The following PAIP2B variants were observed in gnomAD, a reference collection of about 807,000 sequenced individuals.
PAIP2B encodes poly(A) binding protein interacting protein 2B, also known as polyadenylate-binding protein-interacting protein 2B.
Under a neutral mutation model 17.0 loss-of-function variants are expected in PAIP2B, and 13 were observed. The observed-to-expected ratio is 0.76, with a 90% confidence interval of 0.50 to 1.22. PAIP2B has a LOEUF of 1.22. PAIP2B is among the 50% of genes most tolerant of loss of function. The pLI, the probability that PAIP2B is intolerant of heterozygous loss-of-function variation, is 0.00. For synonymous variants in PAIP2B, 43 were observed against 48.7 expected (o/e 0.88, Z 0.48); for missense variants, 117 against 144.5 (o/e 0.81, Z 0.98).
At chr2:71,209,159 G>C (rs1441603559) in intron 1 of PAIP2B, among the ~76,000 whole-genome samples, 2 of 152,154 alleles carry the variant, frequency 1.3e-5, no homozygotes, top group Admixed American at 1.3e-4. Flanking sequence ...GAAAAAATGA[G>C]AATGAAAGCC....
rs1330001885 is a variant in PAIP2B, at chr2:71,185,688, T to C, written c.*2791A>G. 1 of 152,132 alleles carries C rather than the reference T, an allele frequency of 6.6e-6. No homozygotes were observed. The highest frequency in any genetic ancestry group is 1.5e-5 in the Non-Finnish European group (1 of 68,030). The allele number at this position is 152,132 out of a possible 1,614,324, so 9.4% of individuals were successfully genotyped here. On this transcript the variant is annotated 3_prime_UTR_variant, in exon 4 of 4. Transcript: ENST00000244221. ...GTTTCTGGTTTCACCCTTATGTGAT[T>C]CCCAAAACTCAACTATTATTGTCAG...
At position 71,189,849 on chromosome 2, in the gene PAIP2B, A is replaced by G. The variant is rs1558771065; in HGVS notation, c.311T>C (p.Ile104Thr). 3.2e-6 allele frequency: 5 copies of G among 1,551,154 alleles called. No individual in the cohort carries two copies. Among genetic ancestry groups the G allele is most frequent in the Non-Finnish European group, 1.7e-6 (2 of 1,146,844 alleles). Residue 104 changes from isoleucine to threonine, a missense_variant, in exon 3 of 4, where the codon ATT becomes ACT. By Grantham distance (89) the Ile-to-Thr change is moderately conservative. Coordinates refer to ENST00000244221, the MANE Select transcript of PAIP2B (RefSeq NM_020459.1). ...SVSEGHDSED[I>T]LSKSNLNPDA... ...GGAACTACATATGGCTCTTACCAAAATATCTTCAGAATCATGACCTTCACT... is the reference window on the plus strand; with the variant it reads ...GGAACTACATATGGCTCTTACCAAAGTATCTTCAGAATCATGACCTTCACT...
At chr2:71,190,411 G>A (rs145028473) in intron 2 of PAIP2B, among the ~76,000 whole-genome samples, 6 of 152,196 alleles carry the variant, frequency 3.9e-5, no homozygotes, top group African/African-American at 1.2e-4. Flanking sequence ...GCGACAGAAT[G>A]AGACCCCGAT....
rs1416455180 is a variant in PAIP2B at position 71,185,347 on chromosome 2, C to T, written c.*3132G>A. On this transcript the variant is annotated 3_prime_UTR_variant, in exon 4 of 4. Coordinates refer to ENST00000244221, the MANE Select transcript of PAIP2B (RefSeq NM_020459.1). ...CTGAGATGGGAGAATCACTTGAGCA[C>T]AACAATTCAAGAGTAGCTTGGGAAA... The T allele has an allele frequency of 6.6e-6, 1 of 151,876 alleles. No individual in the cohort carries two copies. The highest frequency in any genetic ancestry group is 2.1e-4 in the South Asian group (1 of 4,806). The allele number at this position is 151,876 out of a possible 1,614,324, so 9.4% of individuals were successfully genotyped here. A position where few individuals can be genotyped will look rare whatever the true frequency, so the allele number is the denominator to read the frequency against.
At chr2:71,200,727 G>A (rs1674958072) in intron 2 of PAIP2B, among the ~76,000 whole-genome samples, 1 of 152,084 alleles carries the variant, frequency 6.6e-6, no homozygotes, top group African/African-American at 2.4e-5. Flanking sequence ...ACTCCCGCCT[G>A]GGTTACAGAG....
Position 71,212,451 on chromosome 2 carries a change from C to T in PAIP2B, c.-11-9851G>A, listed in dbSNP as rs143077241. On this transcript the variant is annotated intron_variant, in intron 1 of 3. Coordinates refer to ENST00000244221, the MANE Select transcript of PAIP2B (RefSeq NM_020459.1). ...AATCTGTTAACTGCCATTTTTAGAACGCTGTATTCTAAATCTCATTTCCTC... is the reference window on the plus strand; with the variant it reads ...AATCTGTTAACTGCCATTTTTAGAATGCTGTATTCTAAATCTCATTTCCTC... Among the ~76,000 whole-genome samples, 595 of 152,212 alleles carry T rather than the reference C, an allele frequency of 3.9e-3. 5 individuals are homozygous for T. Among genetic ancestry groups the T allele is most frequent in the African/African-American group, 0.013 (556 of 41,516 alleles).
intron 1 of PAIP2B, among the ~76,000 whole-genome samples, chr2:71,215,203 T>C (rs1370035174): frequency 6.6e-6 from 1 of 152,044 alleles, no homozygotes; most frequent in Non-Finnish European, 1.5e-5. Flanking sequence ...CAGGAGCCTA[T>C]ATAAAATTAC....
intron 2 of PAIP2B, among the ~76,000 whole-genome samples, chr2:71,199,416 A>C (rs980637082): frequency 6.6e-6 from 1 of 152,146 alleles, no homozygotes; most frequent in African/African-American, 2.4e-5. Context: ...AGTAAAAAAA[A>C]AAAAAAAATC....
chr2:71,204,532 T>C, intron 1 of PAIP2B, among the ~76,000 whole-genome samples: 1 of 152,172 alleles, frequency 6.6e-6, no homozygotes, highest in East Asian at 1.9e-4. Flanking sequence ...AACAACTCAG[T>C]AGTACATAGT....
rs375789692 is a variant in PAIP2B, at chr2:71,202,556, T to A, written c.34A>T (p.Ser12Cys). 8.9e-4 allele frequency: 1,433 copies of A among 1,613,756 alleles called. 24 individuals carry two copies. In the South Asian group the frequency reaches 0.015, roughly 17 times the overall value. The stretch of plus-strand genomic sequence containing the variant: ...CCCTGGTCCTCTTTGGATTTTACAC[T>A]CGGTGATGTATTTGCCATATTGGAT... ...NGSNMANTSP[S>C]VKSKEDQGLS... Residue 12 changes from serine to cysteine, a missense_variant, in exon 2 of 4, where the codon AGT becomes TGT. Ser to Cys is a moderately radical substitution (Grantham distance 112, BLOSUM62 -1). Transcript: ENST00000244221.
intron 3 of PAIP2B, among the ~76,000 whole-genome samples, chr2:71,188,939 C>G (rs1462866127): frequency 6.6e-6 from 1 of 151,960 alleles, no homozygotes; most frequent in Non-Finnish European, 1.5e-5. Flanking sequence ...TATCCAAAAC[C>G]TTAGCAAACC....
intron 2 of PAIP2B, among the ~76,000 whole-genome samples, chr2:71,195,346 T>C (rs187008512): frequency 6.6e-6 from 1 of 152,324 alleles, no homozygotes; most frequent in Non-Finnish European, 1.5e-5. Context: ...GAGTCCATCA[T>C]GTCCTGGGCT....
chr2:71,202,670 A>G, intron 1 of PAIP2B, 70 bp from the exon 2 acceptor site: 1 of 1,296,280 alleles, frequency 7.7e-7, no homozygotes, highest in Admixed American at 2.3e-5. Flanking sequence ...TAAAACATGC[A>G]GATTCTGTCA....
At chr2:71,218,247 A>G (rs888452267) in intron 1 of PAIP2B, among the ~76,000 whole-genome samples, 1 of 152,128 alleles carries the variant, frequency 6.6e-6, no homozygotes, top group African/African-American at 2.4e-5. Context: ...AATGACAGAT[A>G]AAAGGTTTGT....
intron 3 of PAIP2B, among the ~76,000 whole-genome samples, chr2:71,188,767 T>G (rs1197533189): frequency 3.9e-5 from 6 of 152,168 alleles, no homozygotes; most frequent in Non-Finnish European, 8.8e-5. Context: ...TTCCAAAATC[T>G]CATCAGAGGC....
rs748132705 is a variant in PAIP2B at position 71,189,923 on chromosome 2, C to G, written c.237G>C (p.Leu79=). ...DQDWFIPSRD[L]PQAMGQLQQQ... is the part of the protein sequence containing the mutation. ...GTTGCAACTGTCCCATGGCCTGAGG[C>G]AGGTCTCGTGAGGGAATAAACCAGT... Residue 79 remains leucine (L), a synonymous_variant, in exon 3 of 4, where the codon CTG becomes CTC. Coordinates refer to ENST00000244221, the MANE Select transcript of PAIP2B (RefSeq NM_020459.1). 2.5e-6 allele frequency: 4 copies of G among 1,599,308 alleles called. No individual in the cohort carries two copies. The South Asian group carries it at 4.5e-5, about 18-fold the overall frequency.
intron 1 of PAIP2B, among the ~76,000 whole-genome samples, chr2:71,215,693 T>A (rs926581731): frequency 1.3e-5 from 2 of 152,236 alleles, no homozygotes; most frequent in Non-Finnish European, 2.9e-5. Context: ...GCAAAACTCC[T>A]CTATGAAAAG....
At chr2:71,205,095 G>T (rs887202027) in intron 1 of PAIP2B, among the ~76,000 whole-genome samples, 2 of 152,124 alleles carry the variant, frequency 1.3e-5, no homozygotes, top group Non-Finnish European at 2.9e-5. Context: ...CAAGAGCAAG[G>T]TGGAACACAG....
At chr2:71,210,439 T>C (rs1482295918) in intron 1 of PAIP2B, among the ~76,000 whole-genome samples, 1 of 152,246 alleles carries the variant, frequency 6.6e-6, no homozygotes, top group Non-Finnish European at 1.5e-5. Context: ...TAAGTAGTCA[T>C]TCTGCTAAGT....
Sources: gnomAD v4.1 joint callset for allele counts (sites outside exome capture counted in the v4.1 genomes callset) on GRCh38, gnomAD v4.1.1 for gene constraint, MANE v1.5 for transcripts, NCBI Gene and HGNC (gene_info 2026-07-23, HGNC 2026-07-21) for gene names.